CSRNP3: variants seen among roughly 807,000 people sequenced by gnomAD.
The protein encoded by CSRNP3 is cysteine/serine-rich nuclear protein 3.
In CSRNP3, 12 loss-of-function variants were observed where a neutral mutation model predicts 48.0. That is an observed-to-expected ratio of 0.25 (90% CI 0.16 to 0.41). The LOEUF (loss-of-function observed/expected upper bound fraction) is 0.41, where lower values mean the gene tolerates loss of function less well. Ranked by LOEUF, CSRNP3 falls within the 10% of genes least tolerant of loss-of-function variation. The probability of loss-of-function intolerance (pLI) is 1.00; values close to 1 mark genes in which losing one functional copy is unlikely to be tolerated. For synonymous variants in CSRNP3, 263 were observed against 269.7 expected (o/e 0.98, Z 0.24); for missense variants, 580 against 724.4 (o/e 0.80, Z 2.29).
chr2:165,567,650 ATG>A (rs1323669419), intron 3 of CSRNP3, among the ~76,000 whole-genome samples: 3 of 151,900 alleles, frequency 2.0e-5, no homozygotes, highest in African/African-American at 4.8e-5. Context: ...GTGTGTATGC[ATG>A]TGTGTGTGTG....
At chr2:165,584,078 G>A (rs1685589427) in intron 3 of CSRNP3, among the ~76,000 whole-genome samples, 1 of 152,110 alleles carries the variant, frequency 6.6e-6, no homozygotes, top group Non-Finnish European at 1.5e-5. Context: ...AAGGGTTTGT[G>A]ATAAAGGATT....
Position 165,685,048 on chromosome 2 carries a change from C to G in CSRNP3, c.*5295C>G, listed in dbSNP as rs2105371443. ...TGATGCTTTAGAAAATAAAAACACACACCTACAGCATTCTAAAGAAACTAT... is the reference window on the plus strand; with the variant it reads ...TGATGCTTTAGAAAATAAAAACACAGACCTACAGCATTCTAAAGAAACTAT... On this transcript the variant is annotated 3_prime_UTR_variant, in exon 7 of 7. Coordinates refer to ENST00000651982, the MANE Select transcript of CSRNP3 (RefSeq NM_001172173.2). 1 of 152,158 alleles carries G rather than the reference C, an allele frequency of 6.6e-6. No individual in the cohort carries two copies. The highest frequency in any genetic ancestry group is 6.6e-5 in the Admixed American group (1 of 15,244). 9.4% of individuals were successfully genotyped at this position (152,158 alleles called of 1,614,324 possible).
chr2:165,559,862 C>T (rs1266306075), intron 3 of CSRNP3, among the ~76,000 whole-genome samples: 6 of 137,578 alleles, frequency 4.4e-5, no homozygotes, highest in African/African-American at 1.4e-4. Flanking sequence ...TGCAGTGGCA[C>T]GATCTCGGCT....
chr2:165,655,725 A>G (rs1558963816), intron 4 of CSRNP3, among the ~76,000 whole-genome samples: 2 of 152,168 alleles, frequency 1.3e-5, no homozygotes, highest in South Asian at 4.1e-4. Context: ...TGCACATTTC[A>G]GTTTCTGGTA....
intron 3 of CSRNP3, among the ~76,000 whole-genome samples, chr2:165,573,766 T>C (rs1187442844): frequency 6.6e-6 from 1 of 152,174 alleles, no homozygotes; most frequent in African/African-American, 2.4e-5. Flanking sequence ...AATTTACGCC[T>C]GTAAGATGCT....
At chr2:165,549,006 T>C (rs1260443553) in intron 3 of CSRNP3, among the ~76,000 whole-genome samples, 3 of 106,348 alleles carry the variant, frequency 2.8e-5, no homozygotes, top group East Asian at 5.4e-4. Context: ...TTTTCTGAGG[T>C]AATGTCTTTT....
chr2:165,599,338 A>AGGAAAAG (rs1558946159), intron 4 of CSRNP3, among the ~76,000 whole-genome samples: 32 of 150,050 alleles, frequency 2.1e-4, no homozygotes, highest in African/African-American at 7.6e-4. Context: ...AGGAAAAGAA[A>AGGAAAAG]AAAAGAAAGA....
intron 3 of CSRNP3, among the ~76,000 whole-genome samples, chr2:165,582,011 T>C (rs1685556252): frequency 6.6e-6 from 1 of 152,140 alleles, no homozygotes; most frequent in South Asian, 2.1e-4. Flanking sequence ...ATAATCAAGT[T>C]TGAGAAAAAC....
chr2:165,515,999 T>C (rs1042656062), intron 2 of CSRNP3, among the ~76,000 whole-genome samples: 1 of 151,842 alleles, frequency 6.6e-6, no homozygotes, highest in African/African-American at 2.4e-5. Context: ...AGAGATGAGG[T>C]TTCACCATGT....
intron 2 of CSRNP3, among the ~76,000 whole-genome samples, chr2:165,514,316 A>C (rs6432832): frequency 0.73 from 111,301 of 152,202 alleles, 41,454 homozygotes; most frequent in African/African-American, 0.87. Flanking sequence ...TGGTTGTGAT[A>C]ACCTCATAAA....
chr2:165,560,909 G>A (rs1229690065), intron 3 of CSRNP3, among the ~76,000 whole-genome samples: 3 of 152,106 alleles, frequency 2.0e-5, no homozygotes, highest in African/African-American at 7.2e-5. Context: ...TTCATGATGT[G>A]ATTTGGCTCA....
At chr2:165,571,012 TA>T (rs1685366005) in intron 3 of CSRNP3, among the ~76,000 whole-genome samples, 1 of 151,990 alleles carries the variant, frequency 6.6e-6, no homozygotes, top group African/African-American at 2.4e-5. Flanking sequence ...ATTCTGGTTT[TA>T]AATTATTTTT....
chr2:165,674,751 A>G (rs1324799496), intron 5 of CSRNP3, among the ~76,000 whole-genome samples: 9 of 143,224 alleles, frequency 6.3e-5, no homozygotes, highest in Non-Finnish European at 1.3e-4. Flanking sequence ...TCACTCTGTC[A>G]CCCAGGCTGG....
intron 3 of CSRNP3, among the ~76,000 whole-genome samples, chr2:165,543,698 A>G (rs909337466): frequency 6.6e-6 from 1 of 152,140 alleles, no homozygotes; most frequent in Non-Finnish European, 1.5e-5. Context: ...GTAGGTGTAT[A>G]CATTTATAGG....
chr2:165,596,644 A>G (rs77122421), intron 4 of CSRNP3, among the ~76,000 whole-genome samples: 2,840 of 152,296 alleles, frequency 0.019, 86 homozygotes, highest in African/African-American at 0.065. Context: ...GTGGTCTACA[A>G]ATACATTTAC....
intron 3 of CSRNP3, among the ~76,000 whole-genome samples, chr2:165,565,139 G>A (rs562071075): frequency 1.3e-5 from 2 of 152,132 alleles, no homozygotes; most frequent in South Asian, 2.1e-4. Flanking sequence ...CCTACAAAGA[G>A]TAGTGGTTGC....
chr2:165,617,872 T>C (rs1464734445), intron 4 of CSRNP3, among the ~76,000 whole-genome samples: 1 of 152,194 alleles, frequency 6.6e-6, no homozygotes, highest in African/African-American at 2.4e-5. Context: ...GAGATGCAGC[T>C]GAAGCACTGG....
At chr2:165,504,921 T>G (rs1684404011) in intron 2 of CSRNP3, among the ~76,000 whole-genome samples, 1 of 152,114 alleles carries the variant, frequency 6.6e-6, no homozygotes, top group South Asian at 2.1e-4. Flanking sequence ...GTTTCTGTCC[T>G]AAGGAACTTA....
intron 4 of CSRNP3, among the ~76,000 whole-genome samples, chr2:165,628,655 C>T (rs554891819): frequency 2.0e-5 from 3 of 152,070 alleles, no homozygotes; most frequent in African/African-American, 7.2e-5. Context: ...ACCTGGGAGG[C>T]GGAGGTTGCA....
Sources: allele counts gnomAD v4.1 joint callset (sites outside exome capture counted in the v4.1 genomes callset), GRCh38; gene constraint gnomAD v4.1.1; transcripts MANE v1.5; gene names NCBI Gene and HGNC (gene_info 2026-07-23, HGNC 2026-07-21).